Variants in BASP1 observed in about 807,000 individuals in gnomAD.
BASP1 encodes the protein brain acid soluble protein 1.
Under a neutral mutation model 2.2 loss-of-function variants are expected in BASP1, and 1 was observed. The ratio of observed to expected loss-of-function variants is 0.46; its 90% CI spans 0.16 to 2.17. BASP1 has a LOEUF of 2.17. Among genes scored for constraint, BASP1 ranks in the 30% most tolerant of loss-of-function variants. BASP1 has a pLI of 0.27. For synonymous variants in BASP1, 187 were observed against 154.2 expected (o/e 1.21, Z -1.58); for missense variants, 352 against 327.2 (o/e 1.08, Z -0.58).
chr5:17,274,710 T>C (rs1051901960), intron 1 of BASP1, among the ~76,000 whole-genome samples: 1 of 152,214 alleles, frequency 6.6e-6, no homozygotes, highest in Admixed American at 6.5e-5. Flanking sequence ...TGGCTATGAT[T>C]AGAAGCTCCA....
intron 1 of BASP1, among the ~76,000 whole-genome samples, chr5:17,250,126 T>A (rs925334166): frequency 1.3e-5 from 2 of 152,128 alleles, no homozygotes; most frequent in Non-Finnish European, 2.9e-5. Context: ...ATGTTTTTTT[T>A]AGTAGAGATG....
chr5:17,234,087 C>T (rs1217322606), intron 1 of BASP1, among the ~76,000 whole-genome samples: 6 of 149,054 alleles, frequency 4.0e-5, no homozygotes, highest in Non-Finnish European at 5.9e-5. Flanking sequence ...GTTGAGATCG[C>T]GCCACTGCAC....
chr5:17,269,811 G>T (rs370437153), intron 1 of BASP1, among the ~76,000 whole-genome samples: 12 of 152,158 alleles, frequency 7.9e-5, no homozygotes, highest in African/African-American at 2.9e-4. Flanking sequence ...GGTGTGTTTA[G>T]CTTATTAGCC....
chr5:17,236,325 G>C lies in BASP1; in HGVS notation c.-10+18515G>C, dbSNP rs1185585412. ...GTTGCCCAGGCTGGAGTGTAATGGC[G>C]TGATCTCGGCTCACTGTGGCCTCTG... On this transcript the variant is annotated intron_variant, in intron 1 of 1. Coordinates refer to ENST00000322611, the MANE Select transcript of BASP1 (RefSeq NM_006317.5). The surrounding 1 kb of genome is among the most constrained non-coding windows in gnomAD (Gnocchi z 4.0). Among the ~76,000 whole-genome samples the C allele has an allele frequency of 6.6e-6, 1 of 152,158 alleles. No homozygotes were observed. The highest frequency in any genetic ancestry group is 2.4e-5 in the African/African-American group (1 of 41,438).
At chr5:17,235,264 CTT>C (rs70943880) in intron 1 of BASP1, among the ~76,000 whole-genome samples, 22 of 141,804 alleles carry the variant, frequency 1.6e-4, no homozygotes, top group Admixed American at 9.2e-4. Flanking sequence ...TTATGTTTTT[CTT>C]TTTTTTTTTT....
chr5:17,272,439 G>A (rs1200412589), intron 1 of BASP1, among the ~76,000 whole-genome samples: 1 of 152,124 alleles, frequency 6.6e-6, no homozygotes, highest in Admixed American at 6.6e-5. Flanking sequence ...ATTTCCTTAT[G>A]GGTAAAAGGA....
At chr5:17,232,182 G>GT in intron 1 of BASP1, among the ~76,000 whole-genome samples, 1 of 152,150 alleles carries the variant, frequency 6.6e-6, no homozygotes, top group Non-Finnish European at 1.5e-5. Context: ...ATTTGAGGGA[G>GT]ACAAATAGTA....
At chr5:17,252,892 TA>T (rs1740130214) in intron 1 of BASP1, among the ~76,000 whole-genome samples, 1 of 152,194 alleles carries the variant, frequency 6.6e-6, no homozygotes, top group Non-Finnish European at 1.5e-5. Context: ...CAGATAATAA[TA>T]AATACTTTAG....
intron 1 of BASP1, among the ~76,000 whole-genome samples, chr5:17,270,143 G>C (rs558901344): frequency 6.6e-6 from 1 of 152,210 alleles, no homozygotes; most frequent in Admixed American, 6.5e-5. Context: ...TGGGATTACA[G>C]GCATGCACCA....
intron 1 of BASP1, among the ~76,000 whole-genome samples, chr5:17,224,498 CT>C (rs1226601703): frequency 6.6e-6 from 1 of 152,012 alleles, no homozygotes; most frequent in African/African-American, 2.4e-5. Context: ...AATGGGTAGC[CT>C]TTTCACATAT....
chr5:17,275,992 C>T lies in BASP1; in HGVS notation c.*92C>T, dbSNP rs1224573902. The T allele has an allele frequency of 3.6e-6, 4 of 1,115,072 alleles. No homozygotes were observed. The highest frequency in any genetic ancestry group is 1.6e-5 in the African/African-American group (1 of 62,000). The allele number at this position is 1,115,072 out of a possible 1,614,324, so 69.1% of individuals were successfully genotyped here. On this transcript the variant is annotated 3_prime_UTR_variant, in exon 2 of 2. Transcript: ENST00000322611. The surrounding 1 kb of genome is among the most constrained non-coding windows in gnomAD (Gnocchi z 5.3). The stretch of plus-strand genomic sequence containing the variant: ...CTCTATCTCTCTCTCTATCTCCTCT[C>T]TCTCTCTCCTCTCCTATCTCTCCTC...
At position 17,275,294 on chromosome 5, in the gene BASP1, C is replaced by T. The variant is rs760165546; in HGVS notation, c.78C>T (p.Ala26=). The T allele has an allele frequency of 4.3e-6, 7 of 1,613,898 alleles. No homozygotes were observed. The highest frequency in any genetic ancestry group is 2.7e-5 in the African/African-American group (2 of 75,000). ...DEKAKEKDKK[A]EGAATEEEGT... is the part of the protein sequence containing the mutation. ...AAGCCAAGGAGAAAGACAAGAAGGCCGAGGGCGCGGCGACGGAAGAGGAGG... is the reference window on the plus strand; with the variant it reads ...AAGCCAAGGAGAAAGACAAGAAGGCTGAGGGCGCGGCGACGGAAGAGGAGG... Residue 26 remains alanine (A), a synonymous_variant, in exon 2 of 2, where the codon GCC becomes GCT. Coordinates refer to ENST00000322611, the MANE Select transcript of BASP1 (RefSeq NM_006317.5). The surrounding 1 kb of genome is among the most constrained non-coding windows in gnomAD (Gnocchi z 5.3).
At chr5:17,266,237 A>G (rs530984263) in intron 1 of BASP1, among the ~76,000 whole-genome samples, 11 of 152,234 alleles carry the variant, frequency 7.2e-5, no homozygotes, top group Admixed American at 6.5e-4. Context: ...TTCAATTTCC[A>G]TAAGTTAAAA....
intron 1 of BASP1, among the ~76,000 whole-genome samples, chr5:17,265,961 G>A (rs1173035544): frequency 6.6e-6 from 1 of 152,204 alleles, no homozygotes; most frequent in East Asian, 1.9e-4. Flanking sequence ...AGGGGCAGAA[G>A]TGTCTTCTAT....
chr5:17,264,360 A>G (rs1448562216), intron 1 of BASP1, among the ~76,000 whole-genome samples: 2 of 152,142 alleles, frequency 1.3e-5, no homozygotes, highest in Non-Finnish European at 2.9e-5. Flanking sequence ...CCACTTGTGT[A>G]ATTATAAACC....
At chr5:17,269,942 G>A (rs77800768) in intron 1 of BASP1, among the ~76,000 whole-genome samples, 10,336 of 152,066 alleles carry the variant, frequency 0.068, 427 homozygotes, top group African/African-American at 0.099. Flanking sequence ...TTGTTTCCTT[G>A]GACCAAGTGA....
chr5:17,217,055 AGAGAGAGAGAGAGAGT>A (rs1739253342), upstream of BASP1: 1 of 90,956 alleles, frequency 1.1e-5, no homozygotes, highest in East Asian at 3.4e-4. Context: ...AATGAGGGGG[AGAGAGAGAGAGAGAGT>A]GAGAGAGAGA....
At chr5:17,238,734 T>C (rs1739797808) in intron 1 of BASP1, among the ~76,000 whole-genome samples, 1 of 152,216 alleles carries the variant, frequency 6.6e-6, no homozygotes, top group African/African-American at 2.4e-5. Context: ...ATGTATGGCA[T>C]CAATTATATG....
At chr5:17,265,547 T>C (rs1258608275) in intron 1 of BASP1, among the ~76,000 whole-genome samples, 1 of 152,214 alleles carries the variant, frequency 6.6e-6, no homozygotes, top group African/African-American at 2.4e-5. Context: ...TTTAGAAACC[T>C]GATGGCATGT....
Sources: gnomAD v4.1 joint callset for allele counts (sites outside exome capture counted in the v4.1 genomes callset) on GRCh38, gnomAD v4.1.1 for gene constraint, Gnocchi (gnomAD v3.1) non-coding constraint, MANE v1.5 for transcripts, NCBI Gene and HGNC (gene_info 2026-07-23, HGNC 2026-07-21) for gene names.